SGPP2: variants seen among roughly 807,000 people sequenced by gnomAD.
The protein encoded by SGPP2 is sphingosine 1-phosphate phosphohydrolase 2.
A neutral mutation model predicts 33.9 loss-of-function variants in SGPP2; 30 were observed. The ratio of observed to expected loss-of-function variants is 0.89; its 90% CI spans 0.66 to 1.20. The LOEUF is 1.20. Among genes scored for constraint, SGPP2 ranks in the 50% most tolerant of loss-of-function variants. The pLI is 0.00. For missense variants in SGPP2, 458 were observed against 532.1 expected (o/e 0.86, Z 1.37); for synonymous variants, 233 against 225.0 (o/e 1.04, Z -0.32).
At chr2:222,535,835 T>A (rs1430187698) in intron 4 of SGPP2, among the ~76,000 whole-genome samples, 3 of 152,220 alleles carry the variant, frequency 2.0e-5, no homozygotes, top group Non-Finnish European at 4.4e-5. Context: ...AGACTCTGGC[T>A]TCAGATGTGG....
chr2:222,558,530 AC>A lies in SGPP2; in HGVS notation c.834del (p.Thr279ProfsTer9), dbSNP rs769543453. ...DYYSPTRADTTTILAAGAGVT... is the reference protein window; with the variant it reads ...DYYSPTRADTXTILAAGAGVT... ...CTACAGCCCAACCCGGGCGGACACC[AC>A]CACCATTCTGGCTGCCGGGGCTGGA... On this transcript the variant is annotated frameshift_variant, in exon 5 of 5. Transcript: ENST00000321276. LOFTEE classifies it high-confidence loss of function. The A allele has an allele frequency of 1.2e-6, 2 of 1,614,102 alleles. No individual in the cohort carries two copies. The highest frequency in any genetic ancestry group is 2.2e-5 in the South Asian group (2 of 91,072).
chr2:222,471,102 A>G (rs1267190205), intron 1 of SGPP2, among the ~76,000 whole-genome samples: 4 of 152,210 alleles, frequency 2.6e-5, no homozygotes, highest in Admixed American at 2.6e-4. Flanking sequence ...TTTCAATTGA[A>G]TTCACTTGGA....
At chr2:222,488,138 T>G (rs1698140504) in intron 2 of SGPP2, among the ~76,000 whole-genome samples, 1 of 152,218 alleles carries the variant, frequency 6.6e-6, no homozygotes, top group South Asian at 2.1e-4. Context: ...GACCCCCACA[T>G]AACTGACTGG....
At chr2:222,548,920 C>T (rs1282961671) in intron 4 of SGPP2, among the ~76,000 whole-genome samples, 1 of 152,190 alleles carries the variant, frequency 6.6e-6, no homozygotes, top group East Asian at 1.9e-4. Flanking sequence ...AGTCTGTTAA[C>T]TAGGAAACAT....
At chr2:222,428,762 T>TG (rs1332400575) in intron 1 of SGPP2, among the ~76,000 whole-genome samples, 1 of 147,784 alleles carries the variant, frequency 6.8e-6, no homozygotes, top group Non-Finnish European at 1.5e-5. Flanking sequence ...ATGAGCAGAG[T>TG]GGGGGAAAAA....
Position 222,482,719 on chromosome 2 carries a change from G to A in SGPP2, c.378+7993G>A, listed in dbSNP as rs368118225. On this transcript the variant is annotated intron_variant, in intron 2 of 4. Transcript: ENST00000321276. The stretch of plus-strand genomic sequence containing the variant: ...TTCAAGACAGCCAGACACAGCCCCT[G>A]GTGTAGTCTGGTAGCAAAACTCCAT... 4.5e-4 allele frequency among the ~76,000 whole-genome samples: 68 copies of A among 152,290 alleles called. 1 individual carries two copies. The highest frequency in any genetic ancestry group is 1.6e-3 in the African/African-American group (66 of 41,560).
chr2:222,446,831 G>T (rs1021028100), intron 1 of SGPP2, among the ~76,000 whole-genome samples: 7 of 152,256 alleles, frequency 4.6e-5, no homozygotes, highest in Admixed American at 2.6e-4. Context: ...GGAGCCTGAA[G>T]GATTTGGGGC....
intron 4 of SGPP2, 127 bp from the exon 5 acceptor site, chr2:222,558,220 T>C: frequency 9.7e-7 from 1 of 1,027,778 alleles, no homozygotes; most frequent in South Asian, 1.7e-5. Flanking sequence ...TTTGAACATG[T>C]ACTGTAAAAT....
chr2:222,424,594 G>A lies in SGPP2; in HGVS notation c.-9G>A. 6 of 1,275,266 alleles carry A rather than the reference G, an allele frequency of 4.7e-6. No homozygotes were observed. Among genetic ancestry groups the A allele is most frequent in the South Asian group, 4.9e-5 (2 of 40,896 alleles). 79.0% of individuals were successfully genotyped at this position (1,275,266 alleles called of 1,614,324 possible). A position where few individuals can be genotyped will look rare whatever the true frequency, so the allele number is the denominator to read the frequency against. On this transcript the variant is annotated 5_prime_UTR_variant, in exon 1 of 5. Transcript: ENST00000321276. ...GGCAGCGGCGGCGGAGCGCGGCCCCGGGCACACCATGGCCGAGCTGCTGCG... is the reference window on the plus strand; with the variant it reads ...GGCAGCGGCGGCGGAGCGCGGCCCCAGGCACACCATGGCCGAGCTGCTGCG...
chr2:222,458,214 AT>A (rs34748357), intron 1 of SGPP2, among the ~76,000 whole-genome samples: 5,602 of 145,706 alleles, frequency 0.038, 110 homozygotes, highest in Non-Finnish European at 0.047. Flanking sequence ...ATGCCTAGCT[AT>A]TTTTTTTTTT....
chr2:222,473,659 T>C (rs1254950774), intron 1 of SGPP2, among the ~76,000 whole-genome samples: 2 of 152,182 alleles, frequency 1.3e-5, no homozygotes, highest in African/African-American at 4.8e-5. Flanking sequence ...GCACGGTGGC[T>C]CACGCCCGTA....
Position 222,558,710 on chromosome 2 carries a change from G to C in SGPP2, c.1012G>C (p.Val338Leu), listed in dbSNP as rs1689466108. Residue 338 changes from valine (V) to leucine (L), a missense_variant, in exon 5 of 5, where the codon GTT becomes CTT. Transcript: ENST00000321276. Reference protein sequence around the residue: ...FAVGIVLILLVRQLVQNLSLQ... With the variant: ...FAVGIVLILLLRQLVQNLSLQ... Reference sequence around the variant, plus strand: ...AGTGGGAATTGTGTTGATCCTCTTGGTTCGTCAGCTTGTACAAAATCTCTC... The same window carrying C: ...AGTGGGAATTGTGTTGATCCTCTTGCTTCGTCAGCTTGTACAAAATCTCTC... 1.2e-6 allele frequency: 2 copies of C among 1,614,132 alleles called. No homozygotes were observed. The highest frequency in any genetic ancestry group is 1.7e-6 in the Non-Finnish European group (2 of 1,180,014).
chr2:222,554,274 T>G (rs573482148), intron 4 of SGPP2, among the ~76,000 whole-genome samples: 11 of 152,366 alleles, frequency 7.2e-5, no homozygotes, highest in Admixed American at 7.2e-4. Flanking sequence ...CTGTATGCAC[T>G]GTTCTGCACC....
At chr2:222,540,977 C>T (rs1381300096) in intron 4 of SGPP2, among the ~76,000 whole-genome samples, 1 of 151,922 alleles carries the variant, frequency 6.6e-6, no homozygotes, top group African/African-American at 2.4e-5. Flanking sequence ...ACCACCATGC[C>T]CGGCTAATTT....
intron 4 of SGPP2, among the ~76,000 whole-genome samples, chr2:222,549,626 T>C (rs1229138439): frequency 1.3e-5 from 2 of 152,054 alleles, no homozygotes; most frequent in African/African-American, 4.8e-5. Flanking sequence ...AAGCTCAAGC[T>C]TTTACCTAAA....
At chr2:222,524,783 C>T (rs1698732257) in intron 3 of SGPP2, among the ~76,000 whole-genome samples, 161 bp from the exon 4 acceptor site, 2 of 152,058 alleles carry the variant, frequency 1.3e-5, no homozygotes, top group Non-Finnish European at 1.5e-5. Flanking sequence ...TCTGTCTCCC[C>T]GTTTAAAAAA....
chr2:222,509,871 G>A (rs947941677), intron 2 of SGPP2, among the ~76,000 whole-genome samples: 2 of 152,160 alleles, frequency 1.3e-5, no homozygotes, highest in Non-Finnish European at 2.9e-5. Context: ...TTTACCCCCT[G>A]AAAAGGAACC....
At chr2:222,492,743 C>T (rs1174503373) in intron 2 of SGPP2, among the ~76,000 whole-genome samples, 1 of 152,220 alleles carries the variant, frequency 6.6e-6, no homozygotes, top group African/African-American at 2.4e-5. Flanking sequence ...CATTGTCAGG[C>T]TGCAAATTTT....
intron 4 of SGPP2, among the ~76,000 whole-genome samples, chr2:222,543,525 A>C (rs1689117116): frequency 6.6e-6 from 1 of 152,254 alleles, no homozygotes; most frequent in Non-Finnish European, 1.5e-5. Flanking sequence ...TAACAACAAC[A>C]ACCAATAATA....
Sources: allele counts gnomAD v4.1 joint callset (sites outside exome capture counted in the v4.1 genomes callset), GRCh38; gene constraint gnomAD v4.1.1; transcripts MANE v1.5; gene names NCBI Gene and HGNC (gene_info 2026-07-23, HGNC 2026-07-21).